STPG2: variants seen among roughly 807,000 people sequenced by gnomAD.
The protein encoded by STPG2 is sperm-tail PG-rich repeat-containing protein 2.
Under a neutral mutation model 54.2 loss-of-function variants are expected in STPG2, and 56 were observed. The observed-to-expected ratio is 1.03, with a 90% CI of 0.83 to 1.29. STPG2 has a LOEUF of 1.29. Among genes scored for constraint, STPG2 ranks in the 50% most tolerant of loss-of-function variants. The pLI, the probability that STPG2 is intolerant of heterozygous loss-of-function variation, is 0.00. For synonymous variants in STPG2, 200 were observed against 181.8 expected (o/e 1.10, Z -0.81); for missense variants, 596 against 544.9 (o/e 1.09, Z -0.93).
At chr4:97,907,014 C>A (rs1227786883) in intron 8 of STPG2, among the ~76,000 whole-genome samples, 23 of 150,418 alleles carry the variant, frequency 1.5e-4, no homozygotes, top group African/African-American at 5.6e-4. Context: ...AAGTTCTGGC[C>A]AGGGCAATTA....
intron 4 of STPG2, among the ~76,000 whole-genome samples, chr4:97,542,375 T>C (rs1374876310): frequency 6.6e-6 from 1 of 152,166 alleles, no homozygotes; most frequent in Non-Finnish European, 1.5e-5. Context: ...AAAATGCTCA[T>C]CATCACTGGC....
chr4:97,957,754 G>T (rs917331902), intron 7 of STPG2, among the ~76,000 whole-genome samples: 5 of 152,074 alleles, frequency 3.3e-5, no homozygotes, highest in Non-Finnish European at 7.4e-5. Context: ...AAGAGATTGG[G>T]GCCTTATCTT....
At chr4:97,672,632 G>A (rs1016261664) in intron 10 of STPG2, among the ~76,000 whole-genome samples, 4 of 152,086 alleles carry the variant, frequency 2.6e-5, no homozygotes, top group Non-Finnish European at 5.9e-5. Flanking sequence ...ACATAAGATA[G>A]GAATACAATG....
intron 4 of STPG2, among the ~76,000 whole-genome samples, chr4:97,452,672 A>G (rs1200456819): frequency 2.0e-5 from 3 of 152,178 alleles, no homozygotes; most frequent in African/African-American, 7.2e-5. Flanking sequence ...AGGACCGCCT[A>G]TCTGCTGAGA....
At chr4:97,779,161 C>T (rs889250706) in intron 9 of STPG2, among the ~76,000 whole-genome samples, 3 of 152,058 alleles carry the variant, frequency 2.0e-5, no homozygotes, top group African/African-American at 4.8e-5. Flanking sequence ...TCGAACCCAA[C>T]CCAAAGAAGC....
chr4:97,959,141 A>T (rs1560610172), intron 7 of STPG2, among the ~76,000 whole-genome samples: 2 of 152,182 alleles, frequency 1.3e-5, no homozygotes, highest in African/African-American at 4.8e-5. Context: ...CAACAATGAA[A>T]TCAAGATGGA....
chr4:97,893,940 AGGGTAAAAGTCGAT>A (rs1436775127), intron 8 of STPG2, among the ~76,000 whole-genome samples: 1 of 152,026 alleles, frequency 6.6e-6, no homozygotes, highest in Non-Finnish European at 1.5e-5. Context: ...AGGAACAGAA[AGGGTAAAAGTCGAT>A]GGGGTATGAA....
At position 98,130,929 on chromosome 4, in the gene STPG2, AAAAAAAAAAAC is replaced by A. The variant is rs1227445029; in HGVS notation, c.223-2348_223-2338del. The stretch of plus-strand genomic sequence containing the variant: ...AGAGCGAGACTCCGTCTCAAAAAAA[AAAAAAAAAAAC>A]AAAAAAAAAACGACTTTCCAAAATA... On this transcript the variant is annotated intron_variant, in intron 2 of 10. Coordinates refer to ENST00000295268, the MANE Select transcript of STPG2 (RefSeq NM_174952.3). Among the ~76,000 whole-genome samples, 25 of 143,272 alleles carry A rather than the reference AAAAAAAAAAAC, an allele frequency of 1.7e-4. 1 individual carries two copies. Among genetic ancestry groups the A allele is most frequent in the African/African-American group, 5.2e-4 (20 of 38,424 alleles). 94.0% of individuals were successfully genotyped at this position (143,272 alleles called of 152,430 possible).
At position 98,096,137 on chromosome 4, in the gene STPG2, G is replaced by A. The variant is rs565674613; in HGVS notation, c.612+9816C>T. On this transcript the variant is annotated intron_variant, in intron 5 of 10. Coordinates refer to ENST00000295268, the MANE Select transcript of STPG2 (RefSeq NM_174952.3). ...GGGCTGAGCATGGTGGCTCACACCT[G>A]TAATCCCAGCACTTTGGGAGGCCAA... Among the ~76,000 whole-genome samples the A allele has an allele frequency of 3.3e-5, 5 of 152,328 alleles. No homozygotes were observed. In the East Asian group the frequency reaches 9.6e-4, roughly 29 times the overall value.
At chr4:97,908,927 A>G (rs1225497216) in intron 8 of STPG2, among the ~76,000 whole-genome samples, 1 of 151,434 alleles carries the variant, frequency 6.6e-6, no homozygotes, top group Non-Finnish European at 1.5e-5. Flanking sequence ...ATGACAAGTT[A>G]GTGGGTGCAG....
At chr4:98,082,144 C>A (rs910376512) in intron 5 of STPG2, among the ~76,000 whole-genome samples, 2 of 152,156 alleles carry the variant, frequency 1.3e-5, no homozygotes, top group African/African-American at 2.4e-5. Flanking sequence ...ATGTTCTACT[C>A]TAGTGCCTCA....
At chr4:97,743,203 T>C (rs909232452) in intron 9 of STPG2, among the ~76,000 whole-genome samples, 2 of 151,764 alleles carry the variant, frequency 1.3e-5, no homozygotes, top group East Asian at 1.9e-4. Context: ...ATTTTGGTTG[T>C]ACTGTGAACA....
chr4:97,850,050 A>C (rs1364702751), intron 8 of STPG2, among the ~76,000 whole-genome samples: 2 of 151,680 alleles, frequency 1.3e-5, no homozygotes, highest in African/African-American at 4.9e-5. Context: ...GACTGGATTA[A>C]GAAAATGTGG....
rs560967560 is a variant in STPG2, at chr4:97,593,459, A to G, written c.1321-34342T>C. 6.6e-5 allele frequency among the ~76,000 whole-genome samples: 10 copies of G among 152,226 alleles called. No homozygotes were observed. The East Asian group carries it at 1.9e-3, about 30-fold the overall frequency. On this transcript the variant is annotated intron_variant, in intron 10 of 10. Coordinates refer to ENST00000295268, the MANE Select transcript of STPG2 (RefSeq NM_174952.3). ...ACCCAACCGCAATTCTTGCCTAGCTATGCCACCATTGCACGTGAGAATTTG... is the reference window on the plus strand; with the variant it reads ...ACCCAACCGCAATTCTTGCCTAGCTGTGCCACCATTGCACGTGAGAATTTG...
intron 9 of STPG2, among the ~76,000 whole-genome samples, chr4:97,733,080 T>G (rs1724859506): frequency 6.6e-6 from 1 of 152,006 alleles, no homozygotes; most frequent in Admixed American, 6.5e-5. Flanking sequence ...GCAATCCCAC[T>G]ACTGGGTATC....
At chr4:98,016,083 G>A (rs1286920887) in intron 5 of STPG2, among the ~76,000 whole-genome samples, 2 of 152,184 alleles carry the variant, frequency 1.3e-5, no homozygotes, top group Non-Finnish European at 2.9e-5. Flanking sequence ...GGGAGGGATA[G>A]CATTAGGAGA....
At chr4:97,784,749 T>G (rs1310926441) in intron 9 of STPG2, among the ~76,000 whole-genome samples, 1 of 151,978 alleles carries the variant, frequency 6.6e-6, no homozygotes, top group Non-Finnish European at 1.5e-5. Context: ...AAAATAATAT[T>G]TATATAAGTT....
chr4:97,665,213 A>G lies in STPG2; in HGVS notation c.1320+47486T>C, dbSNP rs369485684. Among the ~76,000 whole-genome samples the G allele has an allele frequency of 5.3e-5, 8 of 152,316 alleles. No individual in the cohort carries two copies. The East Asian group carries it at 9.7e-4, about 18-fold the overall frequency. ...TGTTGCCTGCAACATGGCAAGCAAC[A>G]GGAGTATTTCAGCTCTGTTTGCGTT... On this transcript the variant is annotated intron_variant, in intron 10 of 10. Transcript: ENST00000295268.
chr4:97,918,838 A>T (rs977877663), intron 8 of STPG2, among the ~76,000 whole-genome samples: 2 of 152,180 alleles, frequency 1.3e-5, no homozygotes, highest in African/African-American at 4.8e-5. Flanking sequence ...CAGGTGAGGG[A>T]AAAAAGACTA....
Sources: gnomAD v4.1 joint callset for allele counts (sites outside exome capture counted in the v4.1 genomes callset) on GRCh38, gnomAD v4.1.1 for gene constraint, MANE v1.5 for transcripts, NCBI Gene and HGNC (gene_info 2026-07-23, HGNC 2026-07-21) for gene names.